The following SYT14 variants were observed in gnomAD, a reference collection of about 807,000 sequenced individuals.
SYT14 encodes the protein synaptotagmin-14.
A neutral mutation model predicts 74.2 loss-of-function variants in SYT14; 32 were observed. The observed-to-expected ratio is 0.43, with a 90% CI of 0.33 to 0.58. The LOEUF (loss-of-function observed/expected upper bound fraction) is 0.58. SYT14 is among the 20% of genes least tolerant of loss of function. SYT14 has a pLI of 0.05. For synonymous variants in SYT14, 298 were observed against 337.7 expected, an observed-to-expected ratio of 0.88 and a Z score of 1.29; for missense variants, 791 against 981.8, an observed-to-expected ratio of 0.81 and a Z score of 2.60.
intron 7 of SYT14, among the ~76,000 whole-genome samples, chr1:210,128,124 G>A (rs925874340): frequency 2.6e-5 from 4 of 152,150 alleles, no homozygotes; most frequent in Non-Finnish European, 4.4e-5. Flanking sequence ...TGTAATCCCA[G>A]CACTTTGGAA....
chr1:210,152,933 G>A (rs2083194983), intron 7 of SYT14, among the ~76,000 whole-genome samples: 1 of 151,846 alleles, frequency 6.6e-6, no homozygotes. Flanking sequence ...ATCCTTTTGG[G>A]CCCAACATGT....
chr1:209,972,609 A>G (rs1363155310), intron 2 of SYT14, among the ~76,000 whole-genome samples: 1 of 152,094 alleles, frequency 6.6e-6, no homozygotes, highest in Admixed American at 6.6e-5. Flanking sequence ...GTTTACCCCA[A>G]AGTCACTCAG....
intron 7 of SYT14, among the ~76,000 whole-genome samples, chr1:210,142,318 T>C (rs1335628452): frequency 6.6e-6 from 1 of 152,178 alleles, no homozygotes; most frequent in Non-Finnish European, 1.5e-5. Context: ...TCTCACAGTA[T>C]TGAGCCATTT....
At chr1:210,082,941 G>T (rs2081642741) in intron 5 of SYT14, among the ~76,000 whole-genome samples, 1 of 151,974 alleles carries the variant, frequency 6.6e-6, no homozygotes. Context: ...AAAGTTGGTA[G>T]CTATACGTGC....
At chr1:210,137,682 T>TC (rs5780557) in intron 7 of SYT14, among the ~76,000 whole-genome samples, 1 of 49,464 alleles carries the variant, frequency 2.0e-5, no homozygotes, top group East Asian at 2.2e-3. Flanking sequence ...TTCAAATTTC[T>TC]TTTTTTTTTT....
At chr1:210,115,373 C>G (rs934606522) in intron 7 of SYT14, among the ~76,000 whole-genome samples, 23 of 150,926 alleles carry the variant, frequency 1.5e-4, no homozygotes, top group African/African-American at 5.7e-4. Flanking sequence ...TGCTTGCCCC[C>G]CAGGAAAGTG....
chr1:210,097,466 G>T (rs2081987278), intron 6 of SYT14, among the ~76,000 whole-genome samples: 1 of 151,990 alleles, frequency 6.6e-6, no homozygotes, highest in Non-Finnish European at 1.5e-5. Context: ...TTATCTGTCA[G>T]TGTTCCACCC....
At chr1:210,051,390 T>C (rs2080993037) in intron 5 of SYT14, among the ~76,000 whole-genome samples, 1 of 152,228 alleles carries the variant, frequency 6.6e-6, no homozygotes, top group African/African-American at 2.4e-5. Flanking sequence ...CTTCACACTT[T>C]TTATTTCATT....
intron 7 of SYT14, among the ~76,000 whole-genome samples, chr1:210,123,896 G>A (rs550532378): frequency 1.3e-3 from 191 of 152,238 alleles, no homozygotes; most frequent in African/African-American, 4.3e-3. Context: ...TTTTCAGAAA[G>A]ATGTGAGAAG....
chr1:210,056,725 C>T (rs922879738), intron 5 of SYT14, among the ~76,000 whole-genome samples: 1 of 149,898 alleles, frequency 6.7e-6, no homozygotes, highest in African/African-American at 2.5e-5. Flanking sequence ...ACTCAGGAGG[C>T]TGAGGCAGGA....
intron 5 of SYT14, among the ~76,000 whole-genome samples, chr1:210,047,863 C>T (rs903909920): frequency 6.6e-6 from 1 of 152,134 alleles, no homozygotes; most frequent in African/African-American, 2.4e-5. Flanking sequence ...AAGATGTCCA[C>T]TTTTTTCAGG....
Position 210,000,912 on chromosome 1 carries a change from G to A in SYT14, c.-485-12721G>A, listed in dbSNP as rs187889411. Among the ~76,000 whole-genome samples, 9 of 152,002 alleles carry A rather than the reference G, an allele frequency of 5.9e-5. No homozygotes were observed. The East Asian group carries it at 7.8e-4, about 13-fold the overall frequency. On this transcript the variant is annotated intron_variant, in intron 2 of 9. Coordinates refer to ENST00000637265, the Ensembl canonical transcript of SYT14. The stretch of plus-strand genomic sequence containing the variant: ...CCTTCTTTTTAAAACTTGTTTCTGC[G>A]TGCCTCATAGTTTTCATCCTTTTGT...
Position 210,097,844 on chromosome 1 carries a change from T to C in SYT14, c.1585-2168T>C, listed in dbSNP as rs183540518. ...AGTACTGTTCTTCTGTTGTTTTTTT[T>C]CCTGCATACATTATACCAACTAGCA... On this transcript the variant is annotated intron_variant, in intron 6 of 9. Coordinates refer to ENST00000637265, the Ensembl canonical transcript of SYT14. Among the ~76,000 whole-genome samples the C allele has an allele frequency of 7.9e-3, 1,202 of 152,338 alleles. 19 individuals are homozygous for C. Among genetic ancestry groups the C allele is most frequent in the African/African-American group, 0.027 (1,143 of 41,572 alleles).
chr1:210,159,496 T>C lies in SYT14; in HGVS notation c.2281+19T>C. On this transcript the variant is annotated intron_variant, in intron 9 of 9. Transcript: ENST00000637265. ...ATCCGAGGTGAGTTCCTGTAGAGGC[T>C]AATTGGATGTTGTCTTTTCATGCAA... is the stretch of plus-strand genomic sequence containing the variant. 2 of 1,550,624 alleles carry C rather than the reference T, an allele frequency of 1.3e-6. No individual in the cohort carries two copies. Among genetic ancestry groups the C allele is most frequent in the South Asian group, 1.2e-5 (1 of 84,032 alleles).
chr1:209,946,068 C>T (rs149042898), intron 1 of SYT14, among the ~76,000 whole-genome samples: 86 of 152,266 alleles, frequency 5.6e-4, no homozygotes, highest in Middle Eastern at 6.8e-3. Context: ...TTGGGCGCTA[C>T]GAGCCATGCC....
chr1:210,082,495 C>T (rs1478739761), intron 5 of SYT14, among the ~76,000 whole-genome samples: 1 of 152,182 alleles, frequency 6.6e-6, no homozygotes, highest in African/African-American at 2.4e-5. Flanking sequence ...TTTTTCTACT[C>T]AGTTAGCTAG....
intron 5 of SYT14, among the ~76,000 whole-genome samples, chr1:210,091,434 A>C (rs1558183051): frequency 6.6e-6 from 1 of 152,232 alleles, no homozygotes; most frequent in Non-Finnish European, 1.5e-5. Context: ...TATGCCTGTA[A>C]TCCCAACACC....
chr1:209,980,373 A>G (rs1009146222), intron 2 of SYT14, among the ~76,000 whole-genome samples: 11 of 152,096 alleles, frequency 7.2e-5, no homozygotes, highest in East Asian at 3.9e-4. Context: ...ATAGATTGCA[A>G]AATTTTCTCC....
intron 5 of SYT14, among the ~76,000 whole-genome samples, chr1:210,029,520 G>C (rs2080483062): frequency 6.6e-6 from 1 of 152,050 alleles, no homozygotes; most frequent in African/African-American, 2.4e-5. Context: ...TGTTAAAAAG[G>C]CTCTTCTACA....
Sources: allele counts gnomAD v4.1 joint callset (sites outside exome capture counted in the v4.1 genomes callset), GRCh38; gene constraint gnomAD v4.1.1; transcripts MANE v1.5; gene names NCBI Gene and HGNC (gene_info 2026-07-23, HGNC 2026-07-21).